SLC12A3: variants seen among roughly 807,000 people sequenced by gnomAD.
The protein encoded by SLC12A3 is solute carrier family 12 member 3.
Under a neutral mutation model 121.0 loss-of-function variants are expected in SLC12A3, and 104 were observed. The observed-to-expected ratio is 0.86, with a 90% confidence interval of 0.73 to 1.01. SLC12A3 has a LOEUF of 1.01. SLC12A3 is among the 50% of genes least tolerant of loss of function. The probability of loss-of-function intolerance (pLI) is 0.00; values close to 1 mark genes in which losing one functional copy is unlikely to be tolerated. For synonymous variants in SLC12A3, 536 were observed against 533.4 expected (o/e 1.00, Z -0.07); for missense variants, 1,328 against 1,356.3 (o/e 0.98, Z 0.33).
At chr16:56,900,697 AATTTGGT>A (rs2055526582) in intron 23 of SLC12A3, among the ~76,000 whole-genome samples, 1 of 151,880 alleles carries the variant, frequency 6.6e-6, no homozygotes, top group Non-Finnish European at 1.5e-5. Flanking sequence ...TGCCCGGCTA[AATTTGGT>A]ATTTTTAGTA....
At chr16:56,888,912 C>T (rs1423876208) in intron 18 of SLC12A3, among the ~76,000 whole-genome samples, 2 of 152,250 alleles carry the variant, frequency 1.3e-5, no homozygotes, top group Non-Finnish European at 2.9e-5. Flanking sequence ...TAGGTGAGAA[C>T]CTCATGCCTC....
intron 25 of SLC12A3, among the ~76,000 whole-genome samples, chr16:56,909,390 C>A (rs749436744): frequency 6.6e-6 from 1 of 152,054 alleles, no homozygotes; most frequent in Non-Finnish European, 1.5e-5. Context: ...GAGGTGACCA[C>A]CTGTTGGAAT....
At chr16:56,901,359 T>TTTTTTTTTTTTTA (rs1425567383) in intron 23 of SLC12A3, among the ~76,000 whole-genome samples, 1 of 150,922 alleles carries the variant, frequency 6.6e-6, no homozygotes, top group African/African-American at 2.5e-5. Flanking sequence ...TTTTTTTTTT[T>TTTTTTTTTTTTTA]GAGACAGTCT....
intron 25 of SLC12A3, among the ~76,000 whole-genome samples, chr16:56,906,104 C>G (rs1165005429): frequency 6.6e-6 from 1 of 152,160 alleles, no homozygotes; most frequent in East Asian, 1.9e-4. Context: ...CTGCAGATGC[C>G]AGGATCTAAG....
chr16:56,874,617 A>G (rs12924001), intron 8 of SLC12A3, among the ~76,000 whole-genome samples: 19,772 of 152,214 alleles, frequency 0.13, 1,324 homozygotes, highest in Non-Finnish European at 0.14. Flanking sequence ...CCTGGCTAAC[A>G]TGATGAAACT....
chr16:56,895,192 A>ATTTTTT (rs34438029), intron 22 of SLC12A3, among the ~76,000 whole-genome samples: 12,802 of 126,286 alleles, frequency 0.1, 1,353 homozygotes, highest in African/African-American at 0.25. Context: ...ATATATTTTA[A>ATTTTTT]TTTTTTTTTT....
At chr16:56,905,754 T>C (rs2055600084) in intron 25 of SLC12A3, among the ~76,000 whole-genome samples, 4 of 152,278 alleles carry the variant, frequency 2.6e-5, no homozygotes, top group African/African-American at 9.6e-5. Context: ...ATGGAATTTG[T>C]TTTTTAAAAA....
chr16:56,866,798 G>A (rs1303289252), intron 1 of SLC12A3, among the ~76,000 whole-genome samples: 1 of 152,178 alleles, frequency 6.6e-6, no homozygotes, highest in African/African-American at 2.4e-5. Flanking sequence ...AGTAGAGACA[G>A]GGTTTTACCT....
chr16:56,890,346 GCAGGCGC>G lies in SLC12A3; in HGVS notation c.2359_2365del (p.Gln787ThrfsTer25). The G allele has an allele frequency of 6.2e-7, 1 of 1,614,042 alleles. No individual in the cohort carries two copies. Among genetic ancestry groups the G allele is most frequent in the Non-Finnish European group, 8.5e-7 (1 of 1,179,882 alleles). On this transcript the variant is annotated frameshift_variant, in exon 19 of 26. Transcript: ENST00000563236. LOFTEE classifies it high-confidence loss of function. ...AGGGACTCAACGTGTCCAAGATGATGCAGGCGCACAGTGAGTACATGCCCCACCCACT... is the reference window on the plus strand; with the variant it reads ...AGGGACTCAACGTGTCCAAGATGATGACAGTGAGTACATGCCCCACCCACT...
Position 56,880,033 on chromosome 16 carries a change from C to A in SLC12A3, c.1444-97C>A, listed in dbSNP as rs533161966. 8.9e-5 allele frequency: 134 copies of A among 1,510,076 alleles called. No homozygotes were observed. In the African/African-American group the frequency reaches 1.7e-3, roughly 19 times the overall value. The allele number at this position is 1,510,076 out of a possible 1,614,324, so 93.5% of individuals were successfully genotyped here. On this transcript the variant is annotated intron_variant, in intron 11 of 25. Coordinates refer to ENST00000563236, the MANE Select transcript of SLC12A3 (RefSeq NM_001126108.2). ...ACCAGGACCCAGGTTGGGGAGGTCA[C>A]GGAGGGCACCGAGCCGGGGCTGGAG...
intron 15 of SLC12A3, 40 bp downstream of exon 15, chr16:56,885,404 C>G: frequency 7.7e-7 from 1 of 1,292,488 alleles, no homozygotes; most frequent in Admixed American, 2.0e-5. Flanking sequence ...ACCCCAGGGC[C>G]AGTGATGGCT....
At chr16:56,870,930 G>A (rs2055087785) in intron 6 of SLC12A3, among the ~76,000 whole-genome samples, 194 bp downstream of exon 6, 1 of 151,960 alleles carries the variant, frequency 6.6e-6, no homozygotes, top group African/African-American at 2.4e-5. Flanking sequence ...CATCTCCCAG[G>A]TTCAAGAGAT....
intron 8 of SLC12A3, among the ~76,000 whole-genome samples, chr16:56,874,537 A>G (rs2055142309): frequency 6.6e-6 from 1 of 152,256 alleles, no homozygotes; most frequent in Non-Finnish European, 1.5e-5. Context: ...ACAGTGGCTC[A>G]TGCCTGTAAT....
intron 18 of SLC12A3, among the ~76,000 whole-genome samples, chr16:56,888,824 C>G (rs2055353486): frequency 2.0e-5 from 3 of 152,142 alleles, no homozygotes; most frequent in Admixed American, 2.0e-4. Flanking sequence ...TCCCAAAGTG[C>G]TGGGATTACA....
Position 56,880,224 on chromosome 16 carries a change from A to G in SLC12A3, c.1538A>G (p.Tyr513Cys). The change falls in exon 12 of 26, where the codon TAC becomes TGC. Residue 513 changes from tyrosine to cysteine, a missense_variant. Transcript: ENST00000563236. ...CCCGTGCGTGGCTACCTGCTGGCCT[A>G]CGCCATCGCTGTGGCCTTCATCATC... ...KEPVRGYLLA[Y>C]AIAVAFIIIA... is the part of the protein sequence containing the mutation. 3.2e-6 allele frequency: 5 copies of G among 1,587,026 alleles called. No individual in the cohort carries two copies. In the Middle Eastern group the frequency reaches 5.0e-4, roughly 158 times the overall value.
chr16:56,913,212 G>T (rs2055709055), intron 25 of SLC12A3, 52 bp from the exon 26 acceptor site: 4 of 1,613,092 alleles, frequency 2.5e-6, no homozygotes, highest in Non-Finnish European at 3.4e-6. Context: ...AGCTGGGCGT[G>T]TGGAGCGGCC....
Position 56,870,159 on chromosome 16 carries a change from T to C in SLC12A3, c.665T>C (p.Ile222Thr). The C allele has an allele frequency of 6.2e-7, 1 of 1,614,084 alleles. No individual in the cohort carries two copies. The highest frequency in any genetic ancestry group is 2.2e-5 in the East Asian group (1 of 44,882). The change falls in exon 5 of 26, where the codon ATT (isoleucine) becomes ACT (threonine). Residue 222 changes from isoleucine (I) to threonine (T), a missense_variant. Coordinates refer to ENST00000563236, the MANE Select transcript of SLC12A3 (RefSeq NM_001126108.2). Reference sequence around the variant, plus strand: ...GAGCTTGGGGGCTCCATCGGCCTCATTTTCGCTTTCGCCAATGCCGTGGGT... The same window carrying C: ...GAGCTTGGGGGCTCCATCGGCCTCACTTTCGCTTTCGCCAATGCCGTGGGT... ...GPELGGSIGL[I>T]FAFANAVGVA...
rs376854786 is a variant in SLC12A3 at position 56,867,254 on chromosome 16, G to A, written c.429+38G>A. On this transcript the variant is annotated intron_variant, in intron 2 of 25. Coordinates refer to ENST00000563236, the MANE Select transcript of SLC12A3 (RefSeq NM_001126108.2). ...TGGGTGGTGCGTGATGTCCAGAAATGGGGGTGGGGTGGCAGAGCTCCATCC... is the reference window on the plus strand; with the variant it reads ...TGGGTGGTGCGTGATGTCCAGAAATAGGGGTGGGGTGGCAGAGCTCCATCC... The A allele has an allele frequency of 1.9e-6, 3 of 1,575,020 alleles. No homozygotes were observed. In the Admixed American group the frequency reaches 5.6e-5, roughly 30 times the overall value.
chr16:56,877,472 C>G (rs1352174747), intron 8 of SLC12A3, among the ~76,000 whole-genome samples: 1 of 152,018 alleles, frequency 6.6e-6, no homozygotes, highest in East Asian at 1.9e-4. Context: ...TTTCTTAGAA[C>G]GGAAGGAGAA....
Sources: gnomAD v4.1 joint callset for allele counts (sites outside exome capture counted in the v4.1 genomes callset) on GRCh38, gnomAD v4.1.1 for gene constraint, MANE v1.5 for transcripts, NCBI Gene and HGNC (gene_info 2026-07-23, HGNC 2026-07-21) for gene names.